ANTXRL: variants seen among roughly 807,000 people sequenced by gnomAD.
ANTXRL encodes the protein anthrax toxin receptor-like.
ANTXRL carries 63 observed loss-of-function variants against 75.4 expected under a neutral mutation model. That is an observed-to-expected ratio of 0.84 (90% CI 0.68 to 1.03). The LOEUF (loss-of-function observed/expected upper bound fraction) is 1.03, where lower values mean the gene tolerates loss of function less well. Among genes scored for constraint, ANTXRL ranks in the 50% least tolerant of loss-of-function variants. The pLI is 0.00. For missense variants in ANTXRL, 797 were observed against 789.4 expected, an observed-to-expected ratio of 1.01 and a Z score of -0.12; for synonymous variants, 335 against 291.3, an observed-to-expected ratio of 1.15 and a Z score of -1.53.
chr10:46,327,642 G>T (rs1839289262), intron 16 of ANTXRL, among the ~76,000 whole-genome samples: 1 of 152,128 alleles, frequency 6.6e-6, no homozygotes, highest in Non-Finnish European at 1.5e-5. Context: ...CTCTGTAGGG[G>T]AATCCAGCAT....
intron 9 of ANTXRL, 45 bp from the exon 10 acceptor site, chr10:46,302,677 C>A: frequency 7.3e-7 from 1 of 1,378,702 alleles, no homozygotes; most frequent in Non-Finnish European, 1.0e-6. Context: ...GGGGAGGCAG[C>A]CCCCTACTCT....
intron 3 of ANTXRL, among the ~76,000 whole-genome samples, chr10:46,294,497 C>T (rs74129841): frequency 0.029 from 4,395 of 152,164 alleles, 224 homozygotes; most frequent in African/African-American, 0.099. Context: ...TCCTGTTTGG[C>T]CGGAGGTGAG....
intron 14 of ANTXRL, 58 bp downstream of exon 14, chr10:46,310,557 C>A: frequency 1.3e-6 from 2 of 1,496,584 alleles, no homozygotes; most frequent in Non-Finnish European, 9.0e-7. Context: ...CTGACCTTCA[C>A]CAAGAGTGCC....
At chr10:46,286,961 A>G, upstream of ANTXRL, 1 of 461,734 alleles carries the variant, frequency 2.2e-6, no homozygotes, top group Non-Finnish European at 3.9e-6. Context: ...GAAGAGCTGC[A>G]GGTCACAAAG....
chr10:46,319,430 A>G (rs1838879726), intron 16 of ANTXRL, among the ~76,000 whole-genome samples: 1 of 152,160 alleles, frequency 6.6e-6, no homozygotes, highest in African/African-American at 2.4e-5. Flanking sequence ...GGTTCAGTGG[A>G]CCACGGGGAC....
chr10:46,326,431 A>C (rs4075797), intron 16 of ANTXRL, among the ~76,000 whole-genome samples: 74,302 of 151,638 alleles, frequency 0.49, 19,379 homozygotes, highest in Admixed American at 0.62. Flanking sequence ...GGAGGGGCCA[A>C]CTCCTTCTGG....
intron 16 of ANTXRL, among the ~76,000 whole-genome samples, chr10:46,326,358 T>G (rs76522153): frequency 0.14 from 20,551 of 151,732 alleles, 1,427 homozygotes; most frequent in Non-Finnish European, 0.18. Context: ...CCCACAAAAA[T>G]GAACGGAGGC....
At chr10:46,288,080 C>T (rs1339968198) in intron 1 of ANTXRL, among the ~76,000 whole-genome samples, 1 of 152,090 alleles carries the variant, frequency 6.6e-6, no homozygotes, top group Non-Finnish European at 1.5e-5. Flanking sequence ...CAGGCTGGCC[C>T]TGGGGAAGCT....
intron 9 of ANTXRL, among the ~76,000 whole-genome samples, chr10:46,298,867 G>A (rs1554959781): frequency 3.3e-5 from 5 of 151,638 alleles, no homozygotes; most frequent in South Asian, 4.2e-4. Context: ...TTGTGGTCCA[G>A]TGTGCATGGG....
At chr10:46,306,757 G>A (rs1838114421) in intron 10 of ANTXRL, 46 bp from the exon 11 acceptor site, 1 of 1,457,176 alleles carries the variant, frequency 6.9e-7, no homozygotes, top group East Asian at 2.5e-5. Context: ...GAGGAACAGT[G>A]GACAGACAGG....
intron 14 of ANTXRL, among the ~76,000 whole-genome samples, chr10:46,310,995 G>A (rs4480468): frequency 0.18 from 27,407 of 151,716 alleles, 2,108 homozygotes; most frequent in Middle Eastern, 0.2. Context: ...GGTGGGCACC[G>A]AGCTGGGAAG....
rs200759135 is a variant in ANTXRL at position 46,309,137 on chromosome 10, T to TTTGTGCCACTCCTGCTGC, written c.1080_1097dup (p.Leu363_Leu368dup). 6.3e-3 allele frequency: 9,746 copies of TTTGTGCCACTCCTGCTGC among 1,535,664 alleles called. 550 individuals are homozygous for TTTGTGCCACTCCTGCTGC. The African/African-American group carries it at 0.11, about 18-fold the overall frequency. On this transcript the variant is annotated inframe_insertion, in exon 13 of 17. Transcript: ENST00000620264. ...GGGCATTTTCCGCAACTGGCTCTAT[T>TTTGTGCCACTCCTGCTGC]TTGTGCCACTCCTGCTGCTTGTGCC...
chr10:46,295,466 TA>T (rs1554958283), intron 3 of ANTXRL, among the ~76,000 whole-genome samples: 48 of 106,534 alleles, frequency 4.5e-4, no homozygotes, highest in Non-Finnish European at 6.0e-4. Flanking sequence ...GGGTTTGGGT[TA>T]GAGTTAGAGT....
chr10:46,309,064 G>C, intron 12 of ANTXRL, 49 bp from the exon 13 acceptor site: 4 of 1,535,082 alleles, frequency 2.6e-6, no homozygotes, highest in East Asian at 2.4e-5. Flanking sequence ...TGGTGGGCAC[G>C]GGGAAGAGGC....
intron 1 of ANTXRL, 52 bp from the exon 2 acceptor site, chr10:46,292,006 C>T (rs1401264903): frequency 7.1e-5 from 106 of 1,496,754 alleles, no homozygotes; most frequent in Non-Finnish European, 8.9e-5. Flanking sequence ...CAGACACTTG[C>T]CCATCGGAGA....
At chr10:46,301,214 A>G (rs113923300) in intron 9 of ANTXRL, among the ~76,000 whole-genome samples, 2 of 152,340 alleles carry the variant, frequency 1.3e-5, no homozygotes, top group East Asian at 1.9e-4. Context: ...CTGGCTGGCC[A>G]GGGCTTTTTG....
intron 9 of ANTXRL, among the ~76,000 whole-genome samples, chr10:46,300,695 C>T (rs1271261950): frequency 1.3e-5 from 2 of 152,148 alleles, no homozygotes; most frequent in African/African-American, 4.8e-5. Flanking sequence ...TCAAAGGGCA[C>T]CTCATCCTGG....
At position 46,305,881 on chromosome 10, in the gene ANTXRL, A is replaced by T. The variant is rs4495840; in HGVS notation, c.896-922A>T. Reference sequence around the variant, plus strand: ...CGCTGTCCACCCAGTTGTTCTGGTCAAACACTCAAATGTCATCTTTGACTC... The same window carrying T: ...CGCTGTCCACCCAGTTGTTCTGGTCTAACACTCAAATGTCATCTTTGACTC... On this transcript the variant is annotated intron_variant, in intron 10 of 16. Transcript: ENST00000620264. 4.4e-3 allele frequency among the ~76,000 whole-genome samples: 672 copies of T among 152,120 alleles called. 3 individuals carry two copies. The highest frequency in any genetic ancestry group is 0.016 in the African/African-American group (655 of 41,492).
intron 1 of ANTXRL, among the ~76,000 whole-genome samples, chr10:46,288,035 T>C (rs565064241): frequency 6.6e-6 from 1 of 152,194 alleles, no homozygotes; most frequent in East Asian, 1.9e-4. Flanking sequence ...AGCCACGCGA[T>C]AGTTCCTACA....
Sources: allele counts gnomAD v4.1 joint callset (sites outside exome capture counted in the v4.1 genomes callset), GRCh38; gene constraint gnomAD v4.1.1; transcripts MANE v1.5; gene names NCBI Gene and HGNC (gene_info 2026-07-23, HGNC 2026-07-21).